PTPRN2: variants seen among roughly 807,000 people sequenced by gnomAD.
PTPRN2 encodes the protein protein tyrosine phosphatase receptor type N2.
PTPRN2 carries 74 observed loss-of-function variants against 118.8 expected under a neutral mutation model. The ratio of observed to expected loss-of-function variants is 0.62; its 90% confidence interval spans 0.52 to 0.76. The LOEUF (loss-of-function observed/expected upper bound fraction) is 0.76, where lower values mean the gene tolerates loss of function less well. PTPRN2 is among the 30% of genes least tolerant of loss of function. The probability of loss-of-function intolerance (pLI) is 0.00; values close to 1 mark genes in which losing one functional copy is unlikely to be tolerated. For missense variants in PTPRN2, 1,481 were observed against 1,394.4 expected, an observed-to-expected ratio of 1.06 and a Z score of -0.99; for synonymous variants, 641 against 608.0, an observed-to-expected ratio of 1.05 and a Z score of -0.80.
At chr7:158,218,346 A>T (rs2150784575) in intron 3 of PTPRN2, among the ~76,000 whole-genome samples, 1 of 152,308 alleles carries the variant, frequency 6.6e-6, no homozygotes, top group African/African-American at 2.4e-5. Context: ...AAAACTAAGC[A>T]TCATAAGCAA....
intron 3 of PTPRN2, among the ~76,000 whole-genome samples, chr7:158,256,352 C>T (rs570329522): frequency 2.6e-5 from 4 of 152,254 alleles, no homozygotes; most frequent in South Asian, 2.1e-4. Context: ...AAGAGGGCAC[C>T]GAGGCTTCTC....
rs78357443 is a variant in PTPRN2, at chr7:158,361,491, G to C, written c.164-44559C>G. On this transcript the variant is annotated intron_variant, in intron 2 of 22. Coordinates refer to ENST00000389418, the MANE Select transcript of PTPRN2 (RefSeq NM_002847.5). ...GTGAAAACCTCTTTTGCTCTTTCTTGCTGCTCAGGCCATCCACACCTGGCA... is the reference window on the plus strand; with the variant it reads ...GTGAAAACCTCTTTTGCTCTTTCTTCCTGCTCAGGCCATCCACACCTGGCA... Among the ~76,000 whole-genome samples, 1,068 of 152,276 alleles carry C rather than the reference G, an allele frequency of 7.0e-3. 11 individuals carry two copies. The highest frequency in any genetic ancestry group is 0.024 in the African/African-American group (1,017 of 41,554).
At chr7:158,055,074 G>T (rs1360639944) in intron 11 of PTPRN2, among the ~76,000 whole-genome samples, 5 of 152,152 alleles carry the variant, frequency 3.3e-5, no homozygotes, top group Non-Finnish European at 1.5e-5. Flanking sequence ...AATAAGAATA[G>T]TTATACTAGA....
At chr7:158,447,987 G>A (rs894545443) in intron 2 of PTPRN2, among the ~76,000 whole-genome samples, 5 of 152,230 alleles carry the variant, frequency 3.3e-5, no homozygotes, top group Middle Eastern at 3.2e-3. Context: ...TCGTCAGCCC[G>A]AGGATGCTGG....
chr7:158,397,787 G>C (rs1317909861), intron 2 of PTPRN2, among the ~76,000 whole-genome samples: 1 of 152,128 alleles, frequency 6.6e-6, no homozygotes, highest in Non-Finnish European at 1.5e-5. Flanking sequence ...CAGAATAAAA[G>C]TATAACAGTG....
chr7:158,565,158 A>G lies in PTPRN2; in HGVS notation c.112+22400T>C, dbSNP rs1410540012. 6.6e-6 allele frequency among the ~76,000 whole-genome samples: 1 copy of G among 152,258 alleles called. No homozygotes were observed. Among genetic ancestry groups the G allele is most frequent in the African/African-American group, 2.4e-5 (1 of 41,462 alleles). On this transcript the variant is annotated intron_variant, in intron 1 of 22. Transcript: ENST00000389418. This position sits in a 1 kb window ranked among gnomAD's most constrained non-coding sequence, Gnocchi z 4.6. ...ATAAAACTATGAGGTTCCCAGGAAC[A>G]TGACACAGTCCGTGCTACATCAGAT...
At chr7:158,436,913 C>T (rs1273874822) in intron 2 of PTPRN2, among the ~76,000 whole-genome samples, 1 of 152,174 alleles carries the variant, frequency 6.6e-6, no homozygotes, top group African/African-American at 2.4e-5. Flanking sequence ...GAACTAACCA[C>T]ACAAAACTGC....
chr7:157,544,572 A>G (rs1278596860), intron 22 of PTPRN2, among the ~76,000 whole-genome samples: 1 of 152,192 alleles, frequency 6.6e-6, no homozygotes, highest in Non-Finnish European at 1.5e-5. Context: ...CCGTCCAGTG[A>G]GGAGGGCATG....
chr7:157,718,945 C>A (rs979200949), intron 12 of PTPRN2, among the ~76,000 whole-genome samples: 7 of 152,206 alleles, frequency 4.6e-5, no homozygotes, highest in Non-Finnish European at 8.8e-5. Flanking sequence ...ATGCCCCACC[C>A]CTTGCCTCCA....
At chr7:158,276,210 C>A (rs910139184) in intron 3 of PTPRN2, among the ~76,000 whole-genome samples, 1 of 109,300 alleles carries the variant, frequency 9.1e-6, no homozygotes, top group Non-Finnish European at 2.1e-5. Context: ...GCCCTGGCCC[C>A]GGCAGGCTGT....
At chr7:158,461,866 G>A (rs148466650) in intron 2 of PTPRN2, among the ~76,000 whole-genome samples, 1,582 of 152,298 alleles carry the variant, frequency 0.01, 16 homozygotes, top group Non-Finnish European at 0.018. Flanking sequence ...TTTAGTGTGG[G>A]TTCCTACAGT....
chr7:158,038,522 A>T (rs1808233065), intron 11 of PTPRN2, among the ~76,000 whole-genome samples: 3 of 152,076 alleles, frequency 2.0e-5, no homozygotes, highest in Non-Finnish European at 4.4e-5. Context: ...TTAAAAAGAC[A>T]CCATAAAAAA....
chr7:158,211,605 G>A (rs62479634), intron 3 of PTPRN2, among the ~76,000 whole-genome samples: 2,410 of 152,206 alleles, frequency 0.016, 28 homozygotes, highest in South Asian at 0.027. Context: ...GCAAACAGGC[G>A]TATGAAAAGG....
intron 11 of PTPRN2, among the ~76,000 whole-genome samples, chr7:158,066,720 T>C (rs1810804423): frequency 1.3e-5 from 2 of 151,950 alleles, no homozygotes; most frequent in Admixed American, 1.3e-4. Flanking sequence ...TTACCCAGAT[T>C]GTATACTTTA....
chr7:157,808,371 G>T lies in PTPRN2; in HGVS notation c.1788+90302C>A, dbSNP rs565515542. ...TGAGTGAGCGAGTGAAACTTTGTCG[G>T]TATTTATAGCCAGTCCCCATGGCTC... On this transcript the variant is annotated intron_variant, in intron 12 of 22. Coordinates refer to ENST00000389418, the MANE Select transcript of PTPRN2 (RefSeq NM_002847.5). The surrounding 1 kb of genome is among the most constrained non-coding windows in gnomAD (Gnocchi z 5.0). 3.9e-3 allele frequency among the ~76,000 whole-genome samples: 597 copies of T among 152,270 alleles called. 3 individuals are homozygous for T. Among genetic ancestry groups the T allele is most frequent in the African/African-American group, 0.013 (549 of 41,554 alleles).
intron 2 of PTPRN2, among the ~76,000 whole-genome samples, chr7:158,319,419 CA>C (rs111234967): frequency 0.15 from 8,608 of 57,118 alleles, 948 homozygotes; most frequent in African/African-American, 0.2. Flanking sequence ...CACAGCCTCC[CA>C]CACACACACA....
chr7:157,553,653 G>A (rs543905181), intron 21 of PTPRN2, among the ~76,000 whole-genome samples: 50 of 152,328 alleles, frequency 3.3e-4, no homozygotes, highest in African/African-American at 9.9e-4. Context: ...ACACGGGAGC[G>A]TGCCTCCGAG....
intron 12 of PTPRN2, among the ~76,000 whole-genome samples, chr7:157,750,403 C>T (rs933626664): frequency 5.3e-5 from 8 of 152,166 alleles, no homozygotes; most frequent in Non-Finnish European, 8.8e-5. Flanking sequence ...GCTACTACTG[C>T]ACAGGAATGT....
chr7:157,563,255 G>A (rs1278421761), intron 21 of PTPRN2, among the ~76,000 whole-genome samples: 1 of 128,568 alleles, frequency 7.8e-6, no homozygotes, highest in East Asian at 2.5e-4. Context: ...ACCACACACA[G>A]CAGATCAGGA....
Sources: gnomAD v4.1 joint callset for allele counts (sites outside exome capture counted in the v4.1 genomes callset) on GRCh38, gnomAD v4.1.1 for gene constraint, Gnocchi (gnomAD v3.1) non-coding constraint, MANE v1.5 for transcripts, NCBI Gene and HGNC (gene_info 2026-07-23, HGNC 2026-07-21) for gene names.